The following SYT9 variants were observed in gnomAD, a reference collection of about 807,000 sequenced individuals.
SYT9 encodes synaptotagmin 9, also known as synaptotagmin-9.
A neutral mutation model predicts 48.4 loss-of-function variants in SYT9; 22 were observed. That is an observed-to-expected ratio of 0.45 (90% CI 0.32 to 0.65). The LOEUF is 0.65. SYT9 is among the 30% of genes least tolerant of loss of function. SYT9 has a pLI of 0.03. For missense variants in SYT9, 577 were observed against 622.0 expected, an observed-to-expected ratio of 0.93 and a Z score of 0.77; for synonymous variants, 265 against 245.0, an observed-to-expected ratio of 1.08 and a Z score of -0.76.
At chr11:7,251,688 AGCGCCCGGAGC>A (rs561369417), upstream of SYT9, among the ~76,000 whole-genome samples, 27 of 152,238 alleles carry the variant, frequency 1.8e-4, 1 homozygote, top group East Asian at 4.1e-3. Flanking sequence ...GAGTAGCGAA[AGCGCCCGGAGC>A]GCGCACTCAC....
intron 6 of SYT9, among the ~76,000 whole-genome samples, chr11:7,458,278 C>T (rs1453042757): frequency 1.3e-5 from 2 of 152,034 alleles, no homozygotes; most frequent in Admixed American, 6.6e-5. Flanking sequence ...GTCAGGAGTT[C>T]GAGACTAGAC....
In SYT9 at chr11:7,252,722, G is replaced by A. The variant is rs749190751; in HGVS notation, c.145+391G>A. On this transcript the variant is annotated intron_variant, in intron 1 of 6. Coordinates refer to ENST00000318881, the MANE Select transcript of SYT9 (RefSeq NM_175733.4). This position sits in a 1 kb window ranked among gnomAD's most constrained non-coding sequence, Gnocchi z 6.3. ...CGTGGGAAGGGGGACGAGGCCGAAG[G>A]AAACTCTGGGAAGTTGGGAGTTGGG... 1.5e-4 allele frequency among the ~76,000 whole-genome samples: 23 copies of A among 152,360 alleles called. No individual in the cohort carries two copies. The highest frequency in any genetic ancestry group is 5.2e-4 in the Admixed American group (8 of 15,314).
intron 3 of SYT9, among the ~76,000 whole-genome samples, chr11:7,349,382 A>AACACACACACACACAC (rs71056799): frequency 0.022 from 3,250 of 148,210 alleles, 47 homozygotes; most frequent in East Asian, 0.051. Flanking sequence ...AAAATATACA[A>AACACACACACACACAC]ACACACACAC....
intron 6 of SYT9, 48 bp from the exon 7 acceptor site, chr11:7,466,744 A>T (rs770744892): frequency 1.3e-6 from 2 of 1,591,936 alleles, no homozygotes; most frequent in African/African-American, 1.4e-5. Flanking sequence ...AAAGAAAAAA[A>T]ATGTATGAAT....
intron 1 of SYT9, among the ~76,000 whole-genome samples, chr11:7,243,711 G>C (rs1847764129): frequency 6.6e-6 from 1 of 152,192 alleles, no homozygotes; most frequent in Non-Finnish European, 1.5e-5. Flanking sequence ...GGATGGGGGA[G>C]GTTTGCTGTG....
intron 1 of SYT9, among the ~76,000 whole-genome samples, chr11:7,246,708 T>A (rs2119731243): frequency 6.6e-6 from 1 of 152,314 alleles, no homozygotes; most frequent in Non-Finnish European, 1.5e-5. Context: ...ACAACCACCA[T>A]TTTATTGCTC....
At chr11:7,335,707 T>A (rs113042676) in intron 3 of SYT9, among the ~76,000 whole-genome samples, 1,663 of 152,300 alleles carry the variant, frequency 0.011, 29 homozygotes, top group African/African-American at 0.038. Flanking sequence ...CATAGTATTC[T>A]GTGGTATATA....
intron 3 of SYT9, among the ~76,000 whole-genome samples, chr11:7,334,931 G>C (rs1178634457): frequency 4.6e-5 from 7 of 152,158 alleles, no homozygotes. Flanking sequence ...AAGTAAAGCT[G>C]CCATGAACAT....
intron 1 of SYT9, among the ~76,000 whole-genome samples, chr11:7,274,317 C>CT (rs576480483): frequency 0.15 from 18,598 of 124,976 alleles, 1,661 homozygotes; most frequent in South Asian, 0.23. Context: ...TGAAGTTCAT[C>CT]TTTTTTTTTT....
intron 3 of SYT9, among the ~76,000 whole-genome samples, chr11:7,382,531 T>C (rs1184849890): frequency 6.6e-6 from 1 of 152,142 alleles, no homozygotes; most frequent in Admixed American, 6.5e-5. Context: ...TAATAGTGAG[T>C]TGCTTATTTG....
intron 6 of SYT9, among the ~76,000 whole-genome samples, chr11:7,455,454 C>T (rs932468701): frequency 6.6e-6 from 1 of 151,864 alleles, no homozygotes; most frequent in Admixed American, 6.6e-5. Context: ...CTACCTCAGC[C>T]TCCCAAGTAG....
intron 6 of SYT9, among the ~76,000 whole-genome samples, chr11:7,426,265 G>A (rs1207748958): frequency 6.6e-6 from 1 of 152,076 alleles, no homozygotes; most frequent in African/African-American, 2.4e-5. Flanking sequence ...TACCTCTGCT[G>A]CTGAGGATCA....
At chr11:7,419,867 G>A (rs1271433395) in intron 5 of SYT9, among the ~76,000 whole-genome samples, 2 of 152,184 alleles carry the variant, frequency 1.3e-5, no homozygotes, top group African/African-American at 4.8e-5. Context: ...CTGCACTCCA[G>A]CGTGGGTGAC....
chr11:7,466,858 A>T lies in SYT9; in HGVS notation c.*58A>T. On this transcript the variant is annotated 3_prime_UTR_variant, in exon 7 of 7. Coordinates refer to ENST00000318881, the MANE Select transcript of SYT9 (RefSeq NM_175733.4). The stretch of plus-strand genomic sequence containing the variant: ...AAAATAGGACAACCATCTCACAAAG[A>T]TCTTAAGTAACTTTTTCCATCCAGC... 24 of 1,597,546 alleles carry T rather than the reference A, an allele frequency of 1.5e-5. No individual in the cohort carries two copies. The highest frequency in any genetic ancestry group is 2.0e-5 in the Non-Finnish European group (24 of 1,170,982).
chr11:7,247,642 T>TATATATATAC (rs1564834907), upstream of SYT9, among the ~76,000 whole-genome samples: 110 of 143,542 alleles, frequency 7.7e-4, 1 homozygote, highest in African/African-American at 2.2e-3. Flanking sequence ...TATATATACG[T>TATATATATAC]GATATATATA....
At chr11:7,249,073 A>T (rs1204052347), upstream of SYT9, among the ~76,000 whole-genome samples, 1 of 152,076 alleles carries the variant, frequency 6.6e-6, no homozygotes. Context: ...AAGGAAACTA[A>T]TCCTATTGGA....
chr11:7,423,702 T>C (rs1365568342), intron 6 of SYT9, among the ~76,000 whole-genome samples: 1 of 152,162 alleles, frequency 6.6e-6, no homozygotes, highest in East Asian at 1.9e-4. Context: ...ATATCATCCA[T>C]GTGTGTCATG....
intron 3 of SYT9, among the ~76,000 whole-genome samples, chr11:7,359,933 A>G (rs1234126872): frequency 2.0e-5 from 3 of 151,966 alleles, no homozygotes; most frequent in East Asian, 1.9e-4. Context: ...GCCCATGCCT[A>G]TGTCCTGAAT....
In SYT9 at chr11:7,394,182, A is replaced by G. The variant is rs180719989; in HGVS notation, c.1045-21860A>G. Among the ~76,000 whole-genome samples, 556 of 151,570 alleles carry G rather than the reference A, an allele frequency of 3.7e-3. 6 individuals carry two copies. The highest frequency in any genetic ancestry group is 0.013 in the African/African-American group (528 of 41,262). ...TGTGTCCATGTGTTCTCATTGTTCA[A>G]TTCCCACCTATGAGTGAGAACATGT... is the stretch of plus-strand genomic sequence containing the variant. On this transcript the variant is annotated intron_variant, in intron 3 of 6. Coordinates refer to ENST00000318881, the MANE Select transcript of SYT9 (RefSeq NM_175733.4).
Sources: allele counts gnomAD v4.1 joint callset (sites outside exome capture counted in the v4.1 genomes callset), GRCh38; gene constraint gnomAD v4.1.1; non-coding constraint Gnocchi (gnomAD v3.1); transcripts MANE v1.5; gene names NCBI Gene and HGNC (gene_info 2026-07-23, HGNC 2026-07-21).